ANKRD42: variants seen among roughly 807,000 people sequenced by gnomAD.
ANKRD42 encodes the protein ankyrin repeat domain-containing protein 42.
In ANKRD42, 43 loss-of-function variants were observed where a neutral mutation model predicts 51.5. The observed-to-expected ratio is 0.83, with a 90% CI of 0.65 to 1.08. The LOEUF (loss-of-function observed/expected upper bound fraction) is 1.08. Ranked by LOEUF, ANKRD42 falls within the 50% of genes least tolerant of loss-of-function variation. The probability of loss-of-function intolerance (pLI) is 0.00; values close to 1 mark genes in which losing one functional copy is unlikely to be tolerated. For synonymous variants in ANKRD42, 203 were observed against 213.0 expected (o/e 0.95, Z 0.41); for missense variants, 608 against 629.3 (o/e 0.97, Z 0.36).
intron 2 of ANKRD42, among the ~76,000 whole-genome samples, chr11:83,202,100 T>G (rs1227287220): frequency 6.6e-6 from 1 of 152,246 alleles, no homozygotes; most frequent in African/African-American, 2.4e-5. Flanking sequence ...TGCCTAGTTT[T>G]TCTTCTAGGG....
intron 6 of ANKRD42, among the ~76,000 whole-genome samples, chr11:83,225,931 A>T (rs907646086): frequency 6.6e-6 from 1 of 151,518 alleles, no homozygotes; most frequent in African/African-American, 2.4e-5. Flanking sequence ...TATTTTAGTT[A>T]TATATATGAG....
chr11:83,212,934 A>C (rs1264340263), intron 5 of ANKRD42: 1 of 1,501,962 alleles, frequency 6.7e-7, no homozygotes, highest in Non-Finnish European at 8.8e-7. Context: ...TTTAAATTGA[A>C]GTCTCAAAAA....
At chr11:83,195,845 C>CTCT in intron 1 of ANKRD42, among the ~76,000 whole-genome samples, 1 of 138,448 alleles carries the variant, frequency 7.2e-6, no homozygotes, top group East Asian at 2.1e-4. Flanking sequence ...CTCTCTCTCT[C>CTCT]TTTTTTTTTT....
downstream of ANKRD42, among the ~76,000 whole-genome samples, chr11:83,252,041 T>C (rs764405518): frequency 2.2e-4 from 34 of 152,192 alleles, no homozygotes; most frequent in Non-Finnish European, 3.8e-4. Flanking sequence ...AAAAAGAAGT[T>C]GTATCTAGAA....
chr11:83,193,893 A>G lies in ANKRD42; in HGVS notation c.-778A>G, dbSNP rs1022099807. On this transcript the variant is annotated 5_prime_UTR_variant, in exon 1 of 11. Transcript: ENST00000533342. ...ACCACGTGTGGAGGATAAACGGTCTACACGGCCATTCCGGCGCCGAGTCTA... is the reference window on the plus strand; with the variant it reads ...ACCACGTGTGGAGGATAAACGGTCTGCACGGCCATTCCGGCGCCGAGTCTA... 4 of 454,554 alleles carry G rather than the reference A, an allele frequency of 8.8e-6. No individual in the cohort carries two copies. Among genetic ancestry groups the G allele is most frequent in the African/African-American group, 6.0e-5 (3 of 50,018 alleles). The allele number at this position is 454,554 out of a possible 1,614,324, so 28.2% of individuals were successfully genotyped here. A position where few individuals can be genotyped will look rare whatever the true frequency, so the allele number is the denominator to read the frequency against.
intron 7 of ANKRD42, among the ~76,000 whole-genome samples, chr11:83,232,474 A>G (rs1863102193): frequency 2.0e-5 from 3 of 152,154 alleles, no homozygotes; most frequent in African/African-American, 7.2e-5. Flanking sequence ...TTGCTTATCA[A>G]TTCTAATAGG....
At chr11:83,242,585 T>TTTTTTTTTTC (rs1863425813) in intron 9 of ANKRD42, among the ~76,000 whole-genome samples, 2 of 143,892 alleles carry the variant, frequency 1.4e-5, no homozygotes, top group African/African-American at 5.2e-5. Context: ...TTTTTTTTTT[T>TTTTTTTTTTC]AGATGGAGTC....
At chr11:83,256,691 A>G (rs1038928109), downstream of ANKRD42, among the ~76,000 whole-genome samples, 3 of 152,146 alleles carry the variant, frequency 2.0e-5, no homozygotes, top group Non-Finnish European at 4.4e-5. Flanking sequence ...TCACCATTCC[A>G]TAGACTGCCC....
intron 6 of ANKRD42, among the ~76,000 whole-genome samples, chr11:83,225,673 G>A (rs371675758): frequency 6.0e-5 from 9 of 151,058 alleles, no homozygotes; most frequent in African/African-American, 2.2e-4. Flanking sequence ...CCAGCTACTC[G>A]GGAGGTTCAG....
intron 5 of ANKRD42, chr11:83,212,557 AAAATGATACTT>A: frequency 1.9e-6 from 2 of 1,057,526 alleles, no homozygotes; most frequent in Non-Finnish European, 2.8e-6. Context: ...GATTGGAGTG[AAAATGATACTT>A]AAATGATACC....
At chr11:83,202,961 A>G (rs1458118973) in intron 2 of ANKRD42, among the ~76,000 whole-genome samples, 1 of 149,624 alleles carries the variant, frequency 6.7e-6, no homozygotes, top group Non-Finnish European at 1.5e-5. Flanking sequence ...CACAGTGCCT[A>G]GCAGATGTTC....
rs550297625 is a variant in ANKRD42 at position 83,236,695 on chromosome 11, A to G, written c.1019+186A>G. 2.0e-5 allele frequency among the ~76,000 whole-genome samples: 3 copies of G among 152,300 alleles called. No individual in the cohort carries two copies. In the East Asian group the frequency reaches 5.8e-4, roughly 29 times the overall value. Reference sequence around the variant, plus strand: ...ATCAGCTTTTCTTTTTCAAGCAGTAATTCTCCACTGGGAGGTAATATTTTC... The same window carrying G: ...ATCAGCTTTTCTTTTTCAAGCAGTAGTTCTCCACTGGGAGGTAATATTTTC... On this transcript the variant is annotated intron_variant, in intron 8 of 10. Transcript: ENST00000533342.
rs181825946 is a variant in ANKRD42 at position 83,194,249 on chromosome 11, A to G, written c.-422A>G. The G allele has an allele frequency of 4.3e-6, 2 of 465,730 alleles. No homozygotes were observed. Among genetic ancestry groups the G allele is most frequent in the African/African-American group, 4.0e-5 (2 of 50,604 alleles). The allele number at this position is 465,730 out of a possible 1,614,324, so 28.8% of individuals were successfully genotyped here. ...GGCCTCCGCCTCAGTGGTCCTTGGG[A>G]GGGAGTCAGTGACATTCGGGACCCG... On this transcript the variant is annotated 5_prime_UTR_variant, in exon 1 of 11. Coordinates refer to ENST00000533342, the MANE Select transcript of ANKRD42 (RefSeq NM_001300975.2).
At chr11:83,199,976 C>T (rs1319097628) in intron 2 of ANKRD42, among the ~76,000 whole-genome samples, 2 of 152,198 alleles carry the variant, frequency 1.3e-5, no homozygotes, top group Admixed American at 6.5e-5. Context: ...CTGCTGTTTC[C>T]TCCCACATTC....
chr11:83,241,942 ATATAAT>A, intron 9 of ANKRD42, among the ~76,000 whole-genome samples: 1 of 152,156 alleles, frequency 6.6e-6, no homozygotes, highest in East Asian at 1.9e-4. Flanking sequence ...GAAGTTCCTG[ATATAAT>A]TATATCCTGA....
At position 83,193,743 on chromosome 11, in the gene ANKRD42, C is replaced by T. The variant is rs915090963; in HGVS notation, c.-928C>T. On this transcript the variant is annotated 5_prime_UTR_variant, in exon 1 of 11. Coordinates refer to ENST00000533342, the MANE Select transcript of ANKRD42 (RefSeq NM_001300975.2). ...TTCCAAGGCGACGGCCCTGCTGCCTCTCCAGCCAAGTGGCTGGAGTCGGGA... is the reference window on the plus strand; with the variant it reads ...TTCCAAGGCGACGGCCCTGCTGCCTTTCCAGCCAAGTGGCTGGAGTCGGGA... 62 of 425,762 alleles carry T rather than the reference C, an allele frequency of 1.5e-4. 1 individual carries two copies. The highest frequency in any genetic ancestry group is 2.5e-4 in the Non-Finnish European group (53 of 213,386). 26.4% of individuals were successfully genotyped at this position (425,762 alleles called of 1,614,324 possible).
Position 83,193,788 on chromosome 11 carries a change from G to T in ANKRD42, c.-883G>T, listed in dbSNP as rs1861506056. ...TCGGGAGGCTGGAAAGAGACTCCGA[G>T]AAAGTACCAGCGGAAGGCGGCCGCC... On this transcript the variant is annotated 5_prime_UTR_variant, in exon 1 of 11. Coordinates refer to ENST00000533342, the MANE Select transcript of ANKRD42 (RefSeq NM_001300975.2). The T allele has an allele frequency of 2.2e-6, 1 of 452,418 alleles. No homozygotes were observed. The highest frequency in any genetic ancestry group is 2.0e-5 in the African/African-American group (1 of 49,618). 28.0% of individuals were successfully genotyped at this position (452,418 alleles called of 1,614,324 possible). A position where few individuals can be genotyped will look rare whatever the true frequency, so the allele number is the denominator to read the frequency against.
chr11:83,219,509 C>T (rs1011929966), intron 5 of ANKRD42, among the ~76,000 whole-genome samples: 3 of 152,186 alleles, frequency 2.0e-5, no homozygotes, highest in Admixed American at 6.5e-5. Flanking sequence ...TGGTGGATGT[C>T]CTCTAGGCCA....
At chr11:83,224,130 G>T (rs985980047) in intron 5 of ANKRD42, among the ~76,000 whole-genome samples, 1 of 151,836 alleles carries the variant, frequency 6.6e-6, no homozygotes, top group South Asian at 2.1e-4. Context: ...AAATGTTGAA[G>T]TCAGTGTATA....
Sources: allele counts gnomAD v4.1 joint callset (sites outside exome capture counted in the v4.1 genomes callset), GRCh38; gene constraint gnomAD v4.1.1; transcripts MANE v1.5; gene names NCBI Gene and HGNC (gene_info 2026-07-23, HGNC 2026-07-21).